Variants in GABRG3 observed in about 807,000 individuals in gnomAD.
The protein encoded by GABRG3 is gamma-aminobutyric acid type A receptor subunit gamma3, also known as gamma-aminobutyric acid receptor subunit gamma-3.
Under a neutral mutation model 48.8 loss-of-function variants are expected in GABRG3, and 25 were observed. That is an observed-to-expected ratio of 0.51 (90% confidence interval 0.37 to 0.72). GABRG3 has a LOEUF of 0.72. GABRG3 is among the 30% of genes least tolerant of loss of function. The pLI, the probability that GABRG3 is intolerant of heterozygous loss-of-function variation, is 0.00. For missense variants in GABRG3, 394 were observed against 577.9 expected, an observed-to-expected ratio of 0.68 and a Z score of 3.26; for synonymous variants, 227 against 217.6, an observed-to-expected ratio of 1.04 and a Z score of -0.38.
intron 3 of GABRG3, among the ~76,000 whole-genome samples, chr15:27,273,379 A>G (rs904454157): frequency 2.0e-5 from 3 of 152,248 alleles, no homozygotes; most frequent in Non-Finnish European, 4.4e-5. Flanking sequence ...GCTTTGAGCC[A>G]TCAGGTCAGT....
At chr15:27,069,516 C>CG (rs1300363487) in intron 3 of GABRG3, among the ~76,000 whole-genome samples, 9 of 152,332 alleles carry the variant, frequency 5.9e-5, no homozygotes, top group African/African-American at 1.7e-4. Context: ...CAAAACTGTG[C>CG]ATACACATCC....
chr15:27,379,010 G>A (rs893487901), intron 5 of GABRG3, among the ~76,000 whole-genome samples: 3 of 152,158 alleles, frequency 2.0e-5, no homozygotes, highest in African/African-American at 7.2e-5. Flanking sequence ...GTGTATGTAT[G>A]TGGATATGTG....
At position 27,324,835 on chromosome 15, in the gene GABRG3, C is replaced by T. The variant is rs566929360; in HGVS notation, c.271-1974C>T. ...AGGGCTTTACTCTGAGCCTTTCTCT[C>T]TGAAGTATAGGTATTTGGGCCCTAC... On this transcript the variant is annotated intron_variant, in intron 3 of 9. Coordinates refer to ENST00000615808, the MANE Select transcript of GABRG3 (RefSeq NM_033223.5). Among the ~76,000 whole-genome samples the T allele has an allele frequency of 1.3e-5, 2 of 152,322 alleles. 1 individual carries two copies. Among genetic ancestry groups the T allele is most frequent in the South Asian group, 4.1e-4 (2 of 4,832 alleles).
intron 3 of GABRG3, among the ~76,000 whole-genome samples, chr15:27,309,086 AAT>A (rs1433146265): frequency 2.1e-5 from 3 of 142,606 alleles, no homozygotes; most frequent in African/African-American, 3.0e-5. Context: ...TTTATATAGA[AAT>A]ATAATGTAAA....
intron 3 of GABRG3, among the ~76,000 whole-genome samples, chr15:27,293,689 A>C (rs551017532): frequency 6.6e-6 from 1 of 151,496 alleles, no homozygotes; most frequent in Admixed American, 6.6e-5. Context: ...AAAAAAACAA[A>C]CAAAAAAAAA....
chr15:27,198,096 CTT>C (rs976999287), intron 3 of GABRG3, among the ~76,000 whole-genome samples: 2 of 152,114 alleles, frequency 1.3e-5, no homozygotes, highest in African/African-American at 4.8e-5. Context: ...TGGGCAAAGA[CTT>C]CATGACTAAA....
At chr15:27,393,330 C>A (rs1199149569) in intron 5 of GABRG3, among the ~76,000 whole-genome samples, 2 of 135,608 alleles carry the variant, frequency 1.5e-5, no homozygotes, top group Non-Finnish European at 1.5e-5. Flanking sequence ...GGTGACAGAG[C>A]GAGACTCCGT....
chr15:27,126,397 C>T lies in GABRG3; in HGVS notation c.270+99576C>T, dbSNP rs141460230. Among the ~76,000 whole-genome samples the T allele has an allele frequency of 5.3e-5, 8 of 152,282 alleles. No homozygotes were observed. In the East Asian group the frequency reaches 9.7e-4, roughly 18 times the overall value. Reference sequence around the variant, plus strand: ...TCCACCGTAACATTTGACTTGCATTCGGTCCTCAATCTTTCCCACCGACAG... The same window carrying T: ...TCCACCGTAACATTTGACTTGCATTTGGTCCTCAATCTTTCCCACCGACAG... On this transcript the variant is annotated intron_variant, in intron 3 of 9. Transcript: ENST00000615808.
chr15:26,976,638 A>C lies in GABRG3; in HGVS notation c.54-364A>C, dbSNP rs1246878949. 6.6e-6 allele frequency among the ~76,000 whole-genome samples: 1 copy of C among 152,168 alleles called. No homozygotes were observed. Among genetic ancestry groups the C allele is most frequent in the African/African-American group, 2.4e-5 (1 of 41,446 alleles). ...TGCAGTCACCATATAGAAAACCTCT[A>C]GAAGGTTTGTGCCTTGACCTTCACA... On this transcript the variant is annotated intron_variant, in intron 1 of 9. Coordinates refer to ENST00000615808, the MANE Select transcript of GABRG3 (RefSeq NM_033223.5). This position sits in a 1 kb window ranked among gnomAD's most constrained non-coding sequence, Gnocchi z 7.8.
At chr15:27,124,592 T>A (rs866350117) in intron 3 of GABRG3, among the ~76,000 whole-genome samples, 8 of 152,234 alleles carry the variant, frequency 5.3e-5, no homozygotes, top group African/African-American at 1.9e-4. Context: ...TATCATTGAT[T>A]AATCATCACG....
At chr15:27,426,088 C>T (rs868655425) in intron 5 of GABRG3, among the ~76,000 whole-genome samples, 14 of 152,292 alleles carry the variant, frequency 9.2e-5, no homozygotes, top group Middle Eastern at 6.8e-3. Flanking sequence ...GAAGATTCCT[C>T]TCCTAGAATA....
rs578180868 is a variant in GABRG3 at position 26,973,210 on chromosome 15, GTAGGAAGA to G, written c.53+1625_53+1632del. ...TTGTCCTCACTACTGCATGTGCTTA[GTAGGAAGA>G]TACCTCAGCCTCTGCCTTAAAACAG... On this transcript the variant is annotated intron_variant, in intron 1 of 9. Coordinates refer to ENST00000615808, the MANE Select transcript of GABRG3 (RefSeq NM_033223.5). Among the ~76,000 whole-genome samples the G allele has an allele frequency of 1.4e-4, 21 of 152,332 alleles. No homozygotes were observed. The East Asian group carries it at 4.1e-3, about 29-fold the overall frequency.
intron 3 of GABRG3, among the ~76,000 whole-genome samples, chr15:27,035,792 G>A (rs1896167135): frequency 6.6e-6 from 1 of 152,198 alleles, no homozygotes; most frequent in Non-Finnish European, 1.5e-5. Context: ...TTTCACAGAA[G>A]CCCCTTGGGC....
chr15:27,223,495 T>G (rs985857317), intron 3 of GABRG3, among the ~76,000 whole-genome samples: 1 of 152,102 alleles, frequency 6.6e-6, no homozygotes, highest in African/African-American at 2.4e-5. Context: ...ACTTAAAAAC[T>G]CATAAATATT....
At chr15:27,511,725 C>T (rs1217285980) in intron 6 of GABRG3, among the ~76,000 whole-genome samples, 1 of 152,196 alleles carries the variant, frequency 6.6e-6, no homozygotes, top group African/African-American at 2.4e-5. Flanking sequence ...ATATGCATCT[C>T]ATATATTTCA....
chr15:27,214,583 A>G (rs1219088169), intron 3 of GABRG3, among the ~76,000 whole-genome samples: 1 of 152,264 alleles, frequency 6.6e-6, no homozygotes, highest in African/African-American at 2.4e-5. Flanking sequence ...ATACATTTCT[A>G]AATGAATTAG....
At chr15:27,015,678 C>G (rs1038933707) in intron 2 of GABRG3, among the ~76,000 whole-genome samples, 4 of 151,942 alleles carry the variant, frequency 2.6e-5, no homozygotes, top group Admixed American at 2.6e-4. Flanking sequence ...TGAGCCACCG[C>G]GCCCGGCCGT....
intron 5 of GABRG3, among the ~76,000 whole-genome samples, chr15:27,466,905 A>G (rs1161185575): frequency 6.6e-6 from 1 of 152,228 alleles, no homozygotes; most frequent in Non-Finnish European, 1.5e-5. Flanking sequence ...TTAATATGGT[A>G]TTTTGAGTAA....
intron 3 of GABRG3, among the ~76,000 whole-genome samples, chr15:27,270,186 T>G (rs959707784): frequency 3.9e-5 from 6 of 152,208 alleles, no homozygotes; most frequent in African/African-American, 1.4e-4. Flanking sequence ...AATCAAGTTT[T>G]TCTCCATTAA....
Sources: gnomAD v4.1 joint callset for allele counts (sites outside exome capture counted in the v4.1 genomes callset) on GRCh38, gnomAD v4.1.1 for gene constraint, Gnocchi (gnomAD v3.1) non-coding constraint, MANE v1.5 for transcripts, NCBI Gene and HGNC (gene_info 2026-07-23, HGNC 2026-07-21) for gene names.